MBD5: variants seen among roughly 807,000 people sequenced by gnomAD.
MBD5 encodes the protein methyl-CpG binding domain protein 5, also known as methyl-CpG-binding domain protein 5.
MBD5 carries 13 observed loss-of-function variants against 117.3 expected under a neutral mutation model. That is an observed-to-expected ratio of 0.11 (90% CI 0.07 to 0.18). The LOEUF is 0.18. MBD5 is among the 10% of genes least tolerant of loss of function. The pLI, the probability that MBD5 is intolerant of heterozygous loss-of-function variation, is 1.00. For synonymous variants in MBD5, 727 were observed against 766.4 expected, an observed-to-expected ratio of 0.95 and a Z score of 0.85; for missense variants, 1,879 against 2,093.8, an observed-to-expected ratio of 0.90 and a Z score of 2.00.
intron 1 of MBD5, among the ~76,000 whole-genome samples, chr2:148,066,485 CTTT>C (rs1216245986): frequency 1.4e-5 from 2 of 138,090 alleles, no homozygotes; most frequent in East Asian, 2.1e-4. Context: ...CCATTTTTTT[CTTT>C]TTTTTTTTTT....
At chr2:148,278,175 A>G (rs1378121993) in intron 3 of MBD5, among the ~76,000 whole-genome samples, 2 of 152,146 alleles carry the variant, frequency 1.3e-5, no homozygotes, top group African/African-American at 4.8e-5. Context: ...CTTTCACTTA[A>G]TATCATGTAT....
At chr2:148,434,917 T>A (rs1488825418) in intron 4 of MBD5, among the ~76,000 whole-genome samples, 1 of 152,130 alleles carries the variant, frequency 6.6e-6, no homozygotes, top group East Asian at 1.9e-4. Context: ...TCTGGGTGCT[T>A]GTTTTATGAA....
intron 3 of MBD5, among the ~76,000 whole-genome samples, chr2:148,330,999 A>G (rs924263654): frequency 1.3e-5 from 2 of 152,202 alleles, no homozygotes; most frequent in African/African-American, 4.8e-5. Context: ...TTTGAATCTA[A>G]TCTAGAACCT....
intron 1 of MBD5, among the ~76,000 whole-genome samples, chr2:148,174,418 A>G (rs1464626893): frequency 6.6e-6 from 1 of 152,184 alleles, no homozygotes; most frequent in East Asian, 1.9e-4. Flanking sequence ...ATTTGACCGC[A>G]AAAGTGCAGG....
At chr2:148,293,954 C>T (rs1037425210) in intron 3 of MBD5, among the ~76,000 whole-genome samples, 3 of 152,100 alleles carry the variant, frequency 2.0e-5, no homozygotes, top group African/African-American at 7.2e-5. Flanking sequence ...ATTTCTTTTT[C>T]GATCAATTAA....
intron 3 of MBD5, among the ~76,000 whole-genome samples, chr2:148,305,879 G>T (rs1450087179): frequency 6.6e-6 from 1 of 152,138 alleles, no homozygotes; most frequent in Non-Finnish European, 1.5e-5. Flanking sequence ...AGTGAACAGA[G>T]CTAGAATCTA....
At chr2:148,420,668 A>G (rs1272903373) in intron 4 of MBD5, among the ~76,000 whole-genome samples, 2 of 151,934 alleles carry the variant, frequency 1.3e-5, no homozygotes, top group Non-Finnish European at 2.9e-5. Context: ...GTCCAGCTCT[A>G]CCCATATTGC....
At chr2:148,097,481 C>T (rs963474242) in intron 1 of MBD5, among the ~76,000 whole-genome samples, 8 of 152,190 alleles carry the variant, frequency 5.3e-5, no homozygotes, top group Non-Finnish European at 7.3e-5. Context: ...CATAATTTAT[C>T]ACACAAGTTA....
chr2:148,442,928 C>A (rs1400818380), intron 4 of MBD5, among the ~76,000 whole-genome samples: 1 of 151,154 alleles, frequency 6.6e-6, no homozygotes, highest in Non-Finnish European at 1.5e-5. Flanking sequence ...TCTGTACAAC[C>A]AAGAAAACAA....
chr2:148,049,743 G>T (rs1345275770), intron 1 of MBD5, among the ~76,000 whole-genome samples: 2 of 152,006 alleles, frequency 1.3e-5, no homozygotes, highest in African/African-American at 4.8e-5. Context: ...ATATCGTCTG[G>T]CAACTTCTAG....
At chr2:148,344,710 T>G (rs137929234) in intron 4 of MBD5, among the ~76,000 whole-genome samples, 84 of 151,962 alleles carry the variant, frequency 5.5e-4, no homozygotes, top group African/African-American at 1.9e-3. Flanking sequence ...TTTGGTGGAG[T>G]CTTTAGTGTT....
intron 1 of MBD5, among the ~76,000 whole-genome samples, chr2:148,082,873 A>G (rs943101437): frequency 3.9e-5 from 6 of 152,206 alleles, no homozygotes; most frequent in Admixed American, 3.3e-4. Flanking sequence ...TATCCTCTAT[A>G]AAAGTATTAT....
intron 4 of MBD5, among the ~76,000 whole-genome samples, chr2:148,375,389 G>C (rs942601378): frequency 1.3e-5 from 2 of 152,130 alleles, no homozygotes. Context: ...AATGTTGTGC[G>C]AGCACATTCC....
At chr2:148,359,344 G>A (rs1170583676) in intron 4 of MBD5, among the ~76,000 whole-genome samples, 1 of 151,738 alleles carries the variant, frequency 6.6e-6, no homozygotes, top group African/African-American at 2.4e-5. Context: ...TCATAGGGTG[G>A]TAATGATGAA....
chr2:148,490,510 C>G lies in MBD5; in HGVS notation c.4878C>G (p.Ile1626Met). 1 of 1,614,198 alleles carries G rather than the reference C, an allele frequency of 6.2e-7. No homozygotes were observed. Among genetic ancestry groups the G allele is most frequent in the Non-Finnish European group, 8.5e-7 (1 of 1,180,034 alleles). The stretch of plus-strand genomic sequence containing the variant: ...TTGGCGACTTGGTCTGGGGCCAAAT[C>G]AAAGGACTGACTTCCTGGCCTGGAA... ...FNVGDLVWGQ[I>M]KGLTSWPGKL... Residue 1626 changes from isoleucine (I) to methionine (M), a missense_variant, in exon 11 of 14, where the codon ATC (isoleucine) becomes ATG (methionine). By Grantham distance (10) the Ile-to-Met change is conservative (BLOSUM62 1). Around this residue, in one of 4 missense-constraint regions of MBD5, gnomAD observed 135 missense variants for 148.0 expected, o/e 0.91. Transcript: ENST00000642680.
chr2:148,259,249 C>T (rs1486253116), intron 3 of MBD5, among the ~76,000 whole-genome samples: 1 of 152,184 alleles, frequency 6.6e-6, no homozygotes, highest in East Asian at 1.9e-4. Context: ...CTGCAACCAA[C>T]GTGCTGCATC....
chr2:148,484,788 A>G (rs1681282604), intron 9 of MBD5, among the ~76,000 whole-genome samples: 1 of 152,186 alleles, frequency 6.6e-6, no homozygotes, highest in Non-Finnish European at 1.5e-5. Flanking sequence ...AAATAATGCC[A>G]GGTATATTTA....
At chr2:148,229,162 T>C (rs943292514) in intron 2 of MBD5, among the ~76,000 whole-genome samples, 2 of 151,590 alleles carry the variant, frequency 1.3e-5, no homozygotes, top group Non-Finnish European at 2.9e-5. Context: ...CCTGCTTTGC[T>C]TCATTGTTTT....
At chr2:148,484,554 A>G (rs533716437) in intron 9 of MBD5, among the ~76,000 whole-genome samples, 1 of 152,364 alleles carries the variant, frequency 6.6e-6, no homozygotes, top group Admixed American at 6.5e-5. Flanking sequence ...ACAGATTGAG[A>G]AAGTGTTTTC....
Sources: allele counts gnomAD v4.1 joint callset (sites outside exome capture counted in the v4.1 genomes callset), GRCh38; gene constraint gnomAD v4.1.1; regional missense constraint gnomAD v4.1.1; transcripts MANE v1.5; gene names NCBI Gene and HGNC (gene_info 2026-07-23, HGNC 2026-07-21).